REV3L: variants seen among roughly 807,000 people sequenced by gnomAD.
REV3L encodes the protein REV3 like, DNA directed polymerase zeta catalytic subunit.
In REV3L, 69 loss-of-function variants were observed where a neutral mutation model predicts 299.4. That is an observed-to-expected ratio of 0.23 (90% CI 0.19 to 0.28). The LOEUF (loss-of-function observed/expected upper bound fraction) is 0.28, where lower values mean the gene tolerates loss of function less well. Ranked by LOEUF, REV3L falls within the 10% of genes least tolerant of loss-of-function variation. REV3L has a pLI of 1.00. For missense variants in REV3L, 3,128 were observed against 3,693.8 expected (o/e 0.85, Z 3.97); for synonymous variants, 1,238 against 1,271.4 (o/e 0.97, Z 0.56).
chr6:111,324,429 TTC>T (rs1339041128), intron 25 of REV3L, among the ~76,000 whole-genome samples: 2 of 152,246 alleles, frequency 1.3e-5, no homozygotes, highest in Non-Finnish European at 2.9e-5. Context: ...GAATAAAATG[TTC>T]TGTTACCTAC....
intron 1 of REV3L, among the ~76,000 whole-genome samples, chr6:111,467,146 C>A (rs1299664639): frequency 6.6e-6 from 1 of 152,194 alleles, no homozygotes; most frequent in African/African-American, 2.4e-5. Flanking sequence ...AAGGGTTCGA[C>A]AACTTTAAAA....
At chr6:111,427,107 T>C (rs1448884517) in intron 1 of REV3L, among the ~76,000 whole-genome samples, 1 of 152,160 alleles carries the variant, frequency 6.6e-6, no homozygotes, top group Non-Finnish European at 1.5e-5. Context: ...ATATCAAAAG[T>C]TAATCAAAAC....
chr6:111,323,355 A>G (rs1184978779), intron 25 of REV3L, among the ~76,000 whole-genome samples: 1 of 152,206 alleles, frequency 6.6e-6, no homozygotes. Flanking sequence ...GTGCATGAGT[A>G]TATGTACGTG....
At chr6:111,446,680 G>A (rs748444298) in intron 1 of REV3L, among the ~76,000 whole-genome samples, 1 of 150,212 alleles carries the variant, frequency 6.7e-6, no homozygotes, top group Non-Finnish European at 1.5e-5. Flanking sequence ...CAGCATGAGC[G>A]ACGGAGTGAG....
intron 1 of REV3L, among the ~76,000 whole-genome samples, chr6:111,428,315 C>T (rs970375509): frequency 3.3e-5 from 5 of 151,714 alleles, no homozygotes; most frequent in Admixed American, 3.3e-4. Context: ...CAAGGCAAAG[C>T]AGAAAAGTAA....
chr6:111,327,445 C>G (rs1305922531), intron 25 of REV3L, among the ~76,000 whole-genome samples: 3 of 151,798 alleles, frequency 2.0e-5, no homozygotes, highest in Non-Finnish European at 4.4e-5. Flanking sequence ...GTCCCAGCTA[C>G]TTGGAGGCAG....
intron 1 of REV3L, among the ~76,000 whole-genome samples, chr6:111,451,607 TAAAGCAA>T (rs1789550397): frequency 6.6e-6 from 1 of 152,094 alleles, no homozygotes; most frequent in South Asian, 2.1e-4. Context: ...TGCCTATATT[TAAAGCAA>T]ATTTTGGGCC....
chr6:111,395,665 C>T (rs9487626), intron 4 of REV3L, among the ~76,000 whole-genome samples: 102,249 of 151,928 alleles, frequency 0.67, 36,562 homozygotes, highest in Non-Finnish European at 0.81. Context: ...ATTTGACCTC[C>T]TTTTTCCCAA....
intron 11 of REV3L, among the ~76,000 whole-genome samples, chr6:111,379,261 C>T (rs1780593592): frequency 6.6e-6 from 1 of 152,180 alleles, no homozygotes; most frequent in Admixed American, 6.5e-5. Context: ...TACATGTAAA[C>T]ACTGAATTTA....
At chr6:111,310,145 A>T in intron 29 of REV3L, 46 bp from the exon 30 acceptor site, 1 of 1,461,826 alleles carries the variant, frequency 6.8e-7, no homozygotes, top group Non-Finnish European at 9.1e-7. Context: ...ACTGTTATGG[A>T]AGCCATCTTT....
In REV3L at chr6:111,376,143, A is replaced by G. The variant is rs752617647; in HGVS notation, c.2212T>C (p.Ser738Pro). ...NSTALSSLFP[S>P]SFTENCELLS... ...AATTCACAATTTTCAGTAAATGATG[A>G]AGGGAATAAACTACTCAGAGCTGTG... The change falls in exon 13 of 32, where the codon TCA becomes CCA. Residue 738 changes from serine to proline, a missense_variant. Physicochemically the swap from Ser to Pro is moderately conservative, Grantham distance 74. Coordinates refer to ENST00000368802, the MANE Select transcript of REV3L (RefSeq NM_001372078.1). 1 of 1,612,840 alleles carries G rather than the reference A, an allele frequency of 6.2e-7. No homozygotes were observed. The highest frequency in any genetic ancestry group is 1.1e-5 in the South Asian group (1 of 91,074).
At chr6:111,386,474 G>C (rs1219717905) in intron 9 of REV3L, among the ~76,000 whole-genome samples, 1 of 152,154 alleles carries the variant, frequency 6.6e-6, no homozygotes, top group African/African-American at 2.4e-5. Context: ...TATAGAGCCA[G>C]AGAAACTCTC....
intron 9 of REV3L, among the ~76,000 whole-genome samples, chr6:111,385,836 T>C (rs1413990164): frequency 1.3e-5 from 2 of 152,020 alleles, no homozygotes; most frequent in Non-Finnish European, 2.9e-5. Context: ...GAAACCCAAA[T>C]GGCCTTTAAA....
chr6:111,319,037 T>C (rs561842685), intron 26 of REV3L, among the ~76,000 whole-genome samples: 99 of 152,294 alleles, frequency 6.5e-4, no homozygotes, highest in Non-Finnish European at 1.1e-3. Flanking sequence ...GTGTTCTATA[T>C]CTTGACGGGC....
intron 1 of REV3L, among the ~76,000 whole-genome samples, chr6:111,425,992 T>A (rs1018867098): frequency 2.0e-5 from 3 of 152,210 alleles, no homozygotes; most frequent in African/African-American, 7.2e-5. Flanking sequence ...ACACAGCTCC[T>A]AAAACGTTTG....
chr6:111,341,127 G>C (rs1011342163), intron 21 of REV3L, among the ~76,000 whole-genome samples: 3 of 143,846 alleles, frequency 2.1e-5, no homozygotes, highest in African/African-American at 5.1e-5. Flanking sequence ...TGCAACCTCT[G>C]ACTCCTGCTC....
At chr6:111,324,597 C>T (rs908916299) in intron 25 of REV3L, among the ~76,000 whole-genome samples, 1 of 152,198 alleles carries the variant, frequency 6.6e-6, no homozygotes, top group Non-Finnish European at 1.5e-5. Flanking sequence ...CTGCCTAATG[C>T]TCTTACTCTG....
chr6:111,338,661 C>A lies in REV3L; in HGVS notation c.7539-3051G>T, dbSNP rs972115217. Among the ~76,000 whole-genome samples the A allele has an allele frequency of 2.0e-5, 3 of 151,746 alleles. No homozygotes were observed. In the East Asian group the frequency reaches 5.8e-4, roughly 29 times the overall value. ...AAAAATGGTGAAAGTAAGTCTAATA[C>A]TTTATATACAAAACTGATTAAACTG... On this transcript the variant is annotated intron_variant, in intron 21 of 31. Coordinates refer to ENST00000368802, the MANE Select transcript of REV3L (RefSeq NM_001372078.1).
Position 111,380,060 on chromosome 6 carries a change from T to C in REV3L, c.1376A>G (p.Glu459Gly). 1 of 1,614,124 alleles carries C rather than the reference T, an allele frequency of 6.2e-7. No homozygotes were observed. Among genetic ancestry groups the C allele is most frequent in the Non-Finnish European group, 8.5e-7 (1 of 1,180,008 alleles). Residue 459 changes from glutamate (E) to glycine (G), a missense_variant, in exon 11 of 32, where the codon GAA becomes GGA. By Grantham distance (98) the Glu-to-Gly change is moderately conservative. Coordinates refer to ENST00000368802, the MANE Select transcript of REV3L (RefSeq NM_001372078.1). ...CAAACTAAGCTCCATTTCCTCTTTTTCAATCTGTGGTTCATTTTCTTCATC... is the reference window on the plus strand; with the variant it reads ...CAAACTAAGCTCCATTTCCTCTTTTCCAATCTGTGGTTCATTTTCTTCATC... ...SDDEENEPQI[E>G]KEEMELSLVM...
Sources: gnomAD v4.1 joint callset for allele counts (sites outside exome capture counted in the v4.1 genomes callset) on GRCh38, gnomAD v4.1.1 for gene constraint, MANE v1.5 for transcripts, NCBI Gene and HGNC (gene_info 2026-07-23, HGNC 2026-07-21) for gene names.